Variants in DOP1B observed in about 807,000 individuals in gnomAD.
DOP1B encodes the protein DOP1 leucine zipper like protein B.
A neutral mutation model predicts 233.5 loss-of-function variants in DOP1B; 174 were observed. That is an observed-to-expected ratio of 0.75 (90% CI 0.66 to 0.85). DOP1B has a LOEUF of 0.85. Among genes scored for constraint, DOP1B ranks in the 40% least tolerant of loss-of-function variants. The probability of loss-of-function intolerance (pLI) is 0.00; values close to 1 mark genes in which losing one functional copy is unlikely to be tolerated. For synonymous variants in DOP1B, 1,190 were observed against 1,185.6 expected (o/e 1.00, Z -0.08); for missense variants, 2,652 against 2,846.6 (o/e 0.93, Z 1.56).
chr21:36,226,151 G>A (rs187341370), intron 12 of DOP1B, among the ~76,000 whole-genome samples: 43 of 152,262 alleles, frequency 2.8e-4, no homozygotes, highest in African/African-American at 8.7e-4. Flanking sequence ...TGTGGTATGC[G>A]CTCGTAATTC....
intron 5 of DOP1B, among the ~76,000 whole-genome samples, chr21:36,210,490 C>T (rs111399289): frequency 2.0e-3 from 309 of 152,190 alleles, no homozygotes; most frequent in Non-Finnish European, 3.1e-3. Context: ...ACTAAAAATA[C>T]AAAAATGAGC....
chr21:36,237,929 A>C (rs1352980145), intron 16 of DOP1B, among the ~76,000 whole-genome samples: 1 of 152,164 alleles, frequency 6.6e-6, no homozygotes, highest in Non-Finnish European at 1.5e-5. Flanking sequence ...GCACTTTGGG[A>C]GGCCAAAGCA....
intron 21 of DOP1B, among the ~76,000 whole-genome samples, chr21:36,250,836 T>G (rs1948997990): frequency 6.6e-6 from 1 of 152,174 alleles, no homozygotes; most frequent in South Asian, 2.1e-4. Flanking sequence ...ACCCCCACTG[T>G]GCTCACAGCA....
At position 36,247,631 on chromosome 21, in the gene DOP1B, A is replaced by AC. The variant is rs1403664287; in HGVS notation, c.4809+3_4809+4insC. On this transcript the variant is annotated splice_donor_region_variant and intron_variant, in intron 20 of 36. Transcript: ENST00000691173. ...AACAAGCCAACCAAAACAAAAAGGT[A>AC]AATTTTTTTTTTTCCTGAGTTCAAG... 6.6e-7 allele frequency: 1 copy of AC among 1,521,426 alleles called. No homozygotes were observed. The highest frequency in any genetic ancestry group is 2.5e-5 in the African/African-American group (1 of 39,234). The allele number at this position is 1,521,426 out of a possible 1,614,324, so 94.2% of individuals were successfully genotyped here.
chr21:36,292,022 G>C, intron 35 of DOP1B, 82 bp from the exon 36 acceptor site: 1 of 1,461,456 alleles, frequency 6.8e-7, no homozygotes, highest in Non-Finnish European at 9.2e-7. Flanking sequence ...TACAGTATGT[G>C]AATTATATCT....
At chr21:36,181,657 G>A (rs927637602) in intron 2 of DOP1B, among the ~76,000 whole-genome samples, 1 of 152,178 alleles carries the variant, frequency 6.6e-6, no homozygotes, top group African/African-American at 2.4e-5. Context: ...GAAAAGGGAA[G>A]GACACAGAGA....
chr21:36,214,395 C>T, intron 8 of DOP1B, 47 bp from the exon 9 acceptor site: 1 of 1,559,534 alleles, frequency 6.4e-7, no homozygotes, highest in East Asian at 2.2e-5. Context: ...TGTTGTTACA[C>T]TTTATGATAT....
chr21:36,267,609 C>T (rs549645090), intron 26 of DOP1B, among the ~76,000 whole-genome samples: 13 of 118,790 alleles, frequency 1.1e-4, no homozygotes, highest in East Asian at 2.6e-4. Context: ...CCCAGGAGGT[C>T]GAGGCTGCAG....
At chr21:36,251,721 G>A (rs947927595) in intron 22 of DOP1B, among the ~76,000 whole-genome samples, 1 of 152,138 alleles carries the variant, frequency 6.6e-6, no homozygotes, top group African/African-American at 2.4e-5. Flanking sequence ...ACACCTTGCC[G>A]ATTTCATCAT....
intron 2 of DOP1B, among the ~76,000 whole-genome samples, chr21:36,176,103 T>TGTGTGTGTGTGTGTGTGTGTGTGTGC (rs1555886164): frequency 3.5e-5 from 5 of 141,920 alleles, no homozygotes; most frequent in African/African-American, 7.6e-5. Context: ...TGTGCGTGTG[T>TGTGTGTGTGTGTGTGTGTGTGTGTGC]GTGTGTGTGT....
chr21:36,163,871 T>C (rs764434355), intron 1 of DOP1B, among the ~76,000 whole-genome samples: 4 of 152,246 alleles, frequency 2.6e-5, no homozygotes, highest in Non-Finnish European at 5.9e-5. Context: ...TTTGTGACTT[T>C]CGTGCATGTT....
intron 15 of DOP1B, 47 bp downstream of exon 15, chr21:36,233,122 G>C: frequency 6.3e-7 from 1 of 1,586,848 alleles, no homozygotes; most frequent in Non-Finnish European, 8.6e-7. Flanking sequence ...TTCTCCCCCT[G>C]AGCAAAACTC....
chr21:36,247,453 T>A, intron 19 of DOP1B, 64 bp from the exon 20 acceptor site: 1 of 1,192,884 alleles, frequency 8.4e-7, no homozygotes, highest in Non-Finnish European at 1.2e-6. Context: ...TATATAGGAT[T>A]AGAAACCCTT....
intron 26 of DOP1B, among the ~76,000 whole-genome samples, chr21:36,265,256 C>G (rs977568999): frequency 1.2e-4 from 18 of 152,234 alleles, no homozygotes; most frequent in Middle Eastern, 6.8e-3. Context: ...ATTAGCCATG[C>G]CTGGTGGCGG....
At chr21:36,236,309 A>T (rs1038315765) in intron 15 of DOP1B, among the ~76,000 whole-genome samples, 3 of 152,188 alleles carry the variant, frequency 2.0e-5, no homozygotes, top group Non-Finnish European at 2.9e-5. Flanking sequence ...GATGGAGGAC[A>T]CGATTTGGGG....
intron 1 of DOP1B, among the ~76,000 whole-genome samples, chr21:36,163,258 C>T (rs549861259): frequency 1.2e-4 from 18 of 150,030 alleles, no homozygotes; most frequent in Non-Finnish European, 2.2e-4. Flanking sequence ...GCAGGAGAAT[C>T]GCTTGAACCC....
intron 2 of DOP1B, among the ~76,000 whole-genome samples, chr21:36,188,012 A>G (rs1347999608): frequency 1.3e-5 from 2 of 151,282 alleles, no homozygotes; most frequent in Non-Finnish European, 3.0e-5. Flanking sequence ...TTTTAAAAGG[A>G]AAAAAAAAGC....
chr21:36,281,135 C>G (rs954862455), intron 31 of DOP1B, among the ~76,000 whole-genome samples: 2 of 151,704 alleles, frequency 1.3e-5, no homozygotes, highest in African/African-American at 4.8e-5. Context: ...GAAACCCCAT[C>G]TCTACAAAAA....
chr21:36,160,131 A>AAAT (rs1555884851), intron 1 of DOP1B, among the ~76,000 whole-genome samples: 257 of 66,520 alleles, frequency 3.9e-3, no homozygotes, highest in African/African-American at 6.4e-3. Context: ...TTTCTGGAAA[A>AAAT]AATAATAATA....
Sources: allele counts gnomAD v4.1 joint callset (sites outside exome capture counted in the v4.1 genomes callset), GRCh38; gene constraint gnomAD v4.1.1; transcripts MANE v1.5; gene names NCBI Gene and HGNC (gene_info 2026-07-23, HGNC 2026-07-21).